The following KMT2C variants were observed in gnomAD, a reference collection of about 807,000 sequenced individuals.
The protein encoded by KMT2C is histone-lysine N-methyltransferase 2C.
Under a neutral mutation model 507.9 loss-of-function variants are expected in KMT2C, and 88 were observed. That is an observed-to-expected ratio of 0.17 (90% CI 0.15 to 0.21). The LOEUF (loss-of-function observed/expected upper bound fraction) is 0.21, where lower values mean the gene tolerates loss of function less well. KMT2C is among the 10% of genes least tolerant of loss of function. KMT2C has a pLI of 1.00. For synonymous variants in KMT2C, 2,049 were observed against 2,080.8 expected (o/e 0.98, Z 0.42); for missense variants, 4,954 against 5,957.8 (o/e 0.83, Z 5.55).
chr7:152,395,335 C>A (rs1317689797), intron 1 of KMT2C, among the ~76,000 whole-genome samples: 1 of 151,848 alleles, frequency 6.6e-6, no homozygotes, highest in Non-Finnish European at 1.5e-5. Flanking sequence ...AGGCACGTGG[C>A]CGCACACCTG....
chr7:152,219,940 T>C (rs1304172228), intron 23 of KMT2C: 2 of 152,428 alleles, frequency 1.3e-5, no homozygotes, highest in African/African-American at 4.8e-5. Flanking sequence ...GAGGCAGAGG[T>C]TGTAGTAAGC....
chr7:152,254,873 T>C (rs1245337241), intron 9 of KMT2C, among the ~76,000 whole-genome samples: 3 of 151,760 alleles, frequency 2.0e-5, no homozygotes, highest in East Asian at 1.9e-4. Flanking sequence ...AAAATTAGCA[T>C]GCAAAAGGCA....
chr7:152,398,336 T>C (rs1249667259), intron 1 of KMT2C, among the ~76,000 whole-genome samples: 1 of 152,152 alleles, frequency 6.6e-6, no homozygotes, highest in Non-Finnish European at 1.5e-5. Context: ...GAGATAGATG[T>C]GTATAAGCTA....
intron 9 of KMT2C, among the ~76,000 whole-genome samples, chr7:152,254,695 A>T (rs2095616419): frequency 6.6e-6 from 1 of 152,182 alleles, no homozygotes; most frequent in Admixed American, 6.5e-5. Context: ...TATCTCCACT[A>T]CTATTTTAAC....
intron 25 of KMT2C, among the ~76,000 whole-genome samples, 192 bp downstream of exon 25, chr7:152,204,912 ATT>A (rs1314682851): frequency 2.0e-5 from 3 of 152,048 alleles, no homozygotes; most frequent in Non-Finnish European, 4.4e-5. Flanking sequence ...TGATTACTGT[ATT>A]ACAGATATGA....
rs751810980 is a variant in KMT2C at position 152,151,559 on chromosome 7, A to G, written c.12549T>C (p.Ser4183=). ...TSNGLSGYKD[S]SHGIAESAAL... ...CTGCGCTTTCTGCAATACCATGACT[A>G]GAATCCTTATATCCAGAAAGACCTA... The change falls in exon 50 of 59, where the codon TCT becomes TCC. Residue 4183 remains serine (S), a synonymous_variant. Coordinates refer to ENST00000262189, the MANE Select transcript of KMT2C (RefSeq NM_170606.3). 1 of 1,613,986 alleles carries G rather than the reference A, an allele frequency of 6.2e-7. No individual in the cohort carries two copies. Among genetic ancestry groups the G allele is most frequent in the South Asian group, 1.1e-5 (1 of 91,054 alleles).
chr7:152,151,399 G>A (rs371179151), intron 50 of KMT2C, 43 bp downstream of exon 50: 17 of 1,603,918 alleles, frequency 1.1e-5, no homozygotes, highest in African/African-American at 4.0e-5. Flanking sequence ...GGACATTTTC[G>A]CTGGAGGTAG....
chr7:152,200,141 C>A (rs1280037357), intron 26 of KMT2C, among the ~76,000 whole-genome samples: 1 of 152,182 alleles, frequency 6.6e-6, no homozygotes, highest in Non-Finnish European at 1.5e-5. Context: ...TAGTCTATAT[C>A]CTATGATGTA....
chr7:152,435,240 C>A (rs899167898), intron 1 of KMT2C, among the ~76,000 whole-genome samples: 4 of 152,010 alleles, frequency 2.6e-5, no homozygotes, highest in African/African-American at 7.2e-5. Context: ...GGCGGTTCGC[C>A]CGGAGTCCGT....
chr7:152,414,850 C>CGTTTTTT (rs1554723440), intron 1 of KMT2C, among the ~76,000 whole-genome samples: 3 of 139,882 alleles, frequency 2.1e-5, no homozygotes, highest in Admixed American at 7.2e-5. Flanking sequence ...TACTTTCTTT[C>CGTTTTTT]TTTTTTTTTT....
intron 43 of KMT2C, among the ~76,000 whole-genome samples, chr7:152,160,719 T>C (rs1187963834): frequency 6.7e-6 from 1 of 150,114 alleles, no homozygotes; most frequent in Non-Finnish European, 1.5e-5. Flanking sequence ...CACACTTTAA[T>C]TTGGGGGGAG....
At chr7:152,201,917 G>T (rs988435961) in intron 26 of KMT2C, among the ~76,000 whole-genome samples, 1 of 152,160 alleles carries the variant, frequency 6.6e-6, no homozygotes, top group Non-Finnish European at 1.5e-5. Flanking sequence ...TAGTGGAATG[G>T]TGTTTAAATC....
At chr7:152,165,919 C>G (rs1052481979) in intron 42 of KMT2C, among the ~76,000 whole-genome samples, 1 of 152,122 alleles carries the variant, frequency 6.6e-6, no homozygotes, top group Non-Finnish European at 1.5e-5. Flanking sequence ...AACTCCTGGC[C>G]TCAGGTGATC....
At chr7:152,186,147 C>G (rs570541909) in intron 33 of KMT2C, among the ~76,000 whole-genome samples, 1 of 152,102 alleles carries the variant, frequency 6.6e-6, no homozygotes, top group Non-Finnish European at 1.5e-5. Flanking sequence ...GTAAGATCAA[C>G]AGTTAATGAT....
rs1426919995 is a variant in KMT2C at position 152,151,501 on chromosome 7, C to G, written c.12607G>C (p.Val4203Leu). 6.2e-7 allele frequency: 1 copy of G among 1,614,160 alleles called. No individual in the cohort carries two copies. The highest frequency in any genetic ancestry group is 1.7e-5 in the Admixed American group (1 of 60,024). Residue 4203 changes from valine to leucine, a missense_variant, in exon 50 of 59, where the codon GTG (valine) becomes CTG (leucine). Coordinates refer to ENST00000262189, the MANE Select transcript of KMT2C (RefSeq NM_170606.3). ...LRPQWCCHCK[V>L]VILGSGVRKS... is the part of the protein sequence containing the mutation. ...CGCACACCACTTCCAAGAATAACCA[C>G]TTTACAATGACAACACCACTGTGGT...
rs570574933 is a variant in KMT2C at position 152,368,678 on chromosome 7, C to G, written c.162-10003G>C. On this transcript the variant is annotated intron_variant, in intron 1 of 58. Transcript: ENST00000262189. ...ATCTTTTAAACTCTCTATTGACCAC[C>G]AGTTACGTATTAGTTGCCAATATGC... 8 of 1,438,436 alleles carry G rather than the reference C, an allele frequency of 5.6e-6. No individual in the cohort carries two copies. The South Asian group carries it at 9.7e-5, about 17-fold the overall frequency. The allele number at this position is 1,438,436 out of a possible 1,614,324, so 89.1% of individuals were successfully genotyped here.
In KMT2C at chr7:152,199,440, T is replaced by A. The variant is rs1206457248; in HGVS notation, c.4112A>T (p.Asp1371Val). 6.4e-7 allele frequency: 1 copy of A among 1,556,234 alleles called. No individual in the cohort carries two copies. Among genetic ancestry groups the A allele is most frequent in the East Asian group, 2.4e-5 (1 of 42,256 alleles). Residue 1371 changes from aspartate to valine, a missense_variant, in exon 27 of 59, where the codon GAT becomes GTT. This residue lies in a region of KMT2C where 176 missense variants were observed against 262.0 expected (regional missense o/e 0.67). Transcript: ENST00000262189. Reference protein sequence around the residue: ...AYLQEAFFGKDLLDTSRQSKI... With the variant: ...AYLQEAFFGKVLLDTSRQSKI... ...GCTTTGTCTACTTGTATCTAGAAGATCTTTTCCAAAGAAAGCTTCCTAGAT... is the reference window on the plus strand; with the variant it reads ...GCTTTGTCTACTTGTATCTAGAAGAACTTTTCCAAAGAAAGCTTCCTAGAT...
chr7:152,137,754 C>A (rs545712380), intron 58 of KMT2C: 1 of 152,316 alleles, frequency 6.6e-6, no homozygotes, highest in South Asian at 2.1e-4. Context: ...AAACTATTTA[C>A]TCAAGAATAC....
chr7:152,272,959 G>A (rs1019169739), intron 7 of KMT2C, among the ~76,000 whole-genome samples: 18 of 152,056 alleles, frequency 1.2e-4, no homozygotes, highest in Admixed American at 7.9e-4. Context: ...AAAATATCAT[G>A]GAGGTTTCAT....
Sources: allele counts gnomAD v4.1 joint callset (sites outside exome capture counted in the v4.1 genomes callset), GRCh38; gene constraint gnomAD v4.1.1; regional missense constraint gnomAD v4.1.1; transcripts MANE v1.5; gene names NCBI Gene and HGNC (gene_info 2026-07-23, HGNC 2026-07-21).